Variants in CEP290 observed in about 807,000 individuals in gnomAD.
CEP290 encodes centrosomal protein of 290 kDa.
In CEP290, 317 loss-of-function variants were observed where a neutral mutation model predicts 344.9. That is an observed-to-expected ratio of 0.92 (90% CI 0.84 to 1.01). The LOEUF is 1.01. Ranked by LOEUF, CEP290 falls within the 50% of genes least tolerant of loss-of-function variation. CEP290 has a pLI of 0.00. For synonymous variants in CEP290, 932 were observed against 895.8 expected (o/e 1.04, Z -0.72); for missense variants, 2,754 against 2,761.4 (o/e 1.00, Z 0.06).
intron 26 of CEP290, 148 bp from the exon 27 acceptor site, chr12:88,097,147 T>C (rs1184063069): frequency 1.7e-6 from 1 of 580,158 alleles, no homozygotes; most frequent in Non-Finnish European, 3.0e-6. Context: ...ATATAATACA[T>C]GTATGCATAC....
intron 53 of CEP290, chr12:88,050,142 A>T (rs1288552006): frequency 2.6e-6 from 1 of 382,384 alleles, no homozygotes; most frequent in Non-Finnish European, 4.6e-6. Flanking sequence ...TTAAAAAATA[A>T]ATTTACTACT....
chr12:88,121,296 T>A, intron 13 of CEP290, 130 bp from the exon 14 acceptor site: 1 of 662,198 alleles, frequency 1.5e-6, no homozygotes, highest in East Asian at 2.9e-5. Context: ...ATTTTATATT[T>A]GTAAGATGAA....
chr12:88,132,657 T>TA (rs1484164459), intron 6 of CEP290, among the ~76,000 whole-genome samples: 1 of 152,128 alleles, frequency 6.6e-6, no homozygotes, highest in Non-Finnish European at 1.5e-5. Flanking sequence ...GACAAAAAGA[T>TA]AAAGCAAAGT....
chr12:88,054,381 AG>A lies in CEP290; in HGVS notation c.6992del (p.Ala2331ValfsTer16). On this transcript the variant is annotated frameshift_variant, in exon 51 of 54. Transcript: ENST00000552810. LOFTEE classifies it high-confidence loss of function. ...IKILKHVPEG[A>X]ETEQGLKREL... ...CCCGTTTAAGGCCTTGCTCTGTCTC[AG>A]CACCTTCAGGAACATGTTTAAGAAT... 6.2e-7 allele frequency: 1 copy of A among 1,611,900 alleles called. No homozygotes were observed. The highest frequency in any genetic ancestry group is 1.1e-5 in the South Asian group (1 of 90,628).
intron 29 of CEP290, among the ~76,000 whole-genome samples, chr12:88,091,366 T>C (rs1365250129): frequency 6.9e-6 from 1 of 145,916 alleles, no homozygotes; most frequent in Admixed American, 7.0e-5. Flanking sequence ...TTATCAGTAA[T>C]GTGAAAAGAA....
chr12:88,110,639 G>A (rs902937473), intron 22 of CEP290, among the ~76,000 whole-genome samples: 7 of 152,094 alleles, frequency 4.6e-5, no homozygotes, highest in African/African-American at 7.2e-5. Flanking sequence ...AACTCAGGAG[G>A]TGGAAGTTGC....
At position 88,077,221 on chromosome 12, in the gene CEP290, C is replaced by A. The variant is rs759850328; in HGVS notation, c.5709+1G>T. ...ATAAGTCAGTATGTTTCTTCACATA[C>A]CTTTTCTTTCATAGGTTTTAGGTCT... On this transcript the variant is annotated splice_donor_variant, in intron 41 of 53. Transcript: ENST00000552810. LOFTEE classifies it high-confidence loss of function. 6.2e-7 allele frequency: 1 copy of A among 1,600,252 alleles called. No homozygotes were observed. The highest frequency in any genetic ancestry group is 1.1e-5 in the South Asian group (1 of 87,806).
chr12:88,131,271 A>AT lies in CEP290; in HGVS notation c.442-54dup, dbSNP rs59949315. The AT allele has an allele frequency of 1.4e-3, 1,281 of 890,590 alleles. 1 individual carries two copies. The highest frequency in any genetic ancestry group is 4.8e-3 in the African/African-American group (270 of 56,286). 55.2% of individuals were successfully genotyped at this position (890,590 alleles called of 1,614,324 possible). A position where few individuals can be genotyped will look rare whatever the true frequency, so the allele number is the denominator to read the frequency against. ...AAGAAGAAGATAAAATTCAGCAGTA[A>AT]TTTTTTTTTTTTTTGAGACAAAGTC... On this transcript the variant is annotated intron_variant, in intron 6 of 53. Coordinates refer to ENST00000552810, the MANE Select transcript of CEP290 (RefSeq NM_025114.4).
rs2035849065 is a variant in CEP290, at chr12:88,077,270, T to C, written c.5661A>G (p.Gln1887=). Reference sequence around the variant, plus strand: ...CTACTTCCTCCACCTTTCCCTCTAATTGGTTCTCTAGTTTTTTAACTTTCC... The same window carrying C: ...CTACTTCCTCCACCTTTCCCTCTAACTGGTTCTCTAGTTTTTTAACTTTCC... ...LQRKVKKLEN[Q]LEGKVEEVDL... Residue 1887 remains glutamine (Q), a synonymous_variant, in exon 41 of 54, where the codon CAA becomes CAG. Transcript: ENST00000552810. 4 of 1,606,134 alleles carry C rather than the reference T, an allele frequency of 2.5e-6. No homozygotes were observed. Among genetic ancestry groups the C allele is most frequent in the Non-Finnish European group, 3.4e-6 (4 of 1,176,870 alleles).
At chr12:88,117,566 C>G (rs1012715193) in intron 17 of CEP290, among the ~76,000 whole-genome samples, 2 of 152,126 alleles carry the variant, frequency 1.3e-5, no homozygotes, top group African/African-American at 4.8e-5. Context: ...TACTCATATA[C>G]GTGCTTGGGG....
At position 88,086,507 on chromosome 12, in the gene CEP290, A is replaced by G. The variant is rs546957016; in HGVS notation, c.4195-9T>C. On this transcript the variant is annotated splice_polypyrimidine_tract_variant and intron_variant, in intron 32 of 53. Coordinates refer to ENST00000552810, the MANE Select transcript of CEP290 (RefSeq NM_025114.4). ...TGTCTTTCTTCATGAAACTAAAAAA[A>G]GGACAATTTGTGTCAGACACATACA... is the stretch of plus-strand genomic sequence containing the variant. 9.5e-6 allele frequency: 15 copies of G among 1,572,748 alleles called. No individual in the cohort carries two copies. The East Asian group carries it at 3.2e-4, about 34-fold the overall frequency.
chr12:88,135,071 T>G (rs1396223531), intron 6 of CEP290, among the ~76,000 whole-genome samples: 1 of 152,162 alleles, frequency 6.6e-6, no homozygotes, highest in African/African-American at 2.4e-5. Flanking sequence ...TATGTTATGC[T>G]TATTATTGAC....
Position 88,130,572 on chromosome 12 carries a change from A to G in CEP290, c.496-7T>C. On this transcript the variant is annotated splice_region_variant and splice_polypyrimidine_tract_variant and intron_variant, in intron 7 of 53. Transcript: ENST00000552810. ...TTTTCTTTAGACGTTTGTTCTACAG[A>G]AAAGGACAGGAAAACGGTAATTAGA... 1 of 1,577,250 alleles carries G rather than the reference A, an allele frequency of 6.3e-7. No individual in the cohort carries two copies. The highest frequency in any genetic ancestry group is 8.6e-7 in the Non-Finnish European group (1 of 1,164,024).
chr12:88,089,516 G>T, intron 30 of CEP290, 29 bp from the exon 31 acceptor site: 2 of 1,366,922 alleles, frequency 1.5e-6, no homozygotes, highest in Non-Finnish European at 1.9e-6. Context: ...TATATTTGTA[G>T]TAAGTTTCAA....
chr12:88,067,719 TAAAATCTGCC>T (rs1259215904), intron 44 of CEP290, among the ~76,000 whole-genome samples: 1 of 152,212 alleles, frequency 6.6e-6, no homozygotes, highest in African/African-American at 2.4e-5. Flanking sequence ...AAAAGGGAGT[TAAAATCTGCC>T]AACTTACCAT....
chr12:88,100,657 T>C (rs2037800946), intron 26 of CEP290, among the ~76,000 whole-genome samples: 1 of 152,166 alleles, frequency 6.6e-6, no homozygotes, highest in South Asian at 2.1e-4. Context: ...GACAGATATG[T>C]AAACACATAT....
At chr12:88,091,335 T>A (rs1210304947) in intron 29 of CEP290, among the ~76,000 whole-genome samples, 3 of 152,078 alleles carry the variant, frequency 2.0e-5, no homozygotes, top group African/African-American at 7.2e-5. Context: ...ATGCATGTTT[T>A]GATTTGTTTT....
chr12:88,114,437 G>C lies in CEP290; in HGVS notation c.2035C>G (p.Leu679Val). The change falls in exon 20 of 54, where the codon CTT becomes GTT. Residue 679 changes from leucine (L) to valine (V), a missense_variant. Physicochemically the swap from Leu to Val is conservative, Grantham distance 32 (BLOSUM62 1). Transcript: ENST00000552810. The stretch of plus-strand genomic sequence containing the variant: ...TAACTTACATTAACTAGTCTTTCAA[G>C]GCTAGGGATAATTAGAGATGTTTCT... ...GGETSLIIPS[L>V]ERLVNAIESK... 1 of 1,544,734 alleles carries C rather than the reference G, an allele frequency of 6.5e-7. No homozygotes were observed. The highest frequency in any genetic ancestry group is 1.4e-5 in the African/African-American group (1 of 72,798).
chr12:88,065,565 A>G (rs889048628), intron 44 of CEP290, among the ~76,000 whole-genome samples: 1 of 152,210 alleles, frequency 6.6e-6, no homozygotes, highest in African/African-American at 2.4e-5. Flanking sequence ...TATTTCAGAT[A>G]TGGACATCTG....
Sources: gnomAD v4.1 joint callset for allele counts (sites outside exome capture counted in the v4.1 genomes callset) on GRCh38, gnomAD v4.1.1 for gene constraint, MANE v1.5 for transcripts, NCBI Gene and HGNC (gene_info 2026-07-23, HGNC 2026-07-21) for gene names.